FAM131B: variants seen among roughly 807,000 people sequenced by gnomAD.
The protein encoded by FAM131B is protein FAM131B.
A neutral mutation model predicts 42.0 loss-of-function variants in FAM131B; 19 were observed. That is an observed-to-expected ratio of 0.45 (90% CI 0.32 to 0.66). The LOEUF (loss-of-function observed/expected upper bound fraction) is 0.66, where lower values mean the gene tolerates loss of function less well. FAM131B is among the 30% of genes least tolerant of loss of function. The pLI, the probability that FAM131B is intolerant of heterozygous loss-of-function variation, is 0.05. For missense variants in FAM131B, 370 were observed against 468.4 expected, an observed-to-expected ratio of 0.79 and a Z score of 1.94; for synonymous variants, 183 against 177.6, an observed-to-expected ratio of 1.03 and a Z score of -0.24.
At chr7:143,366,594 A>G (rs1009463741), upstream of FAM131B, among the ~76,000 whole-genome samples, 3 of 146,170 alleles carry the variant, frequency 2.1e-5, no homozygotes, top group Admixed American at 7.1e-5. Context: ...GTCTCACTCT[A>G]TCACCCAGGC....
chr7:143,368,838 A>T, the FAM131B span, among the ~76,000 whole-genome samples: 5 of 152,186 alleles, frequency 3.3e-5, no homozygotes, highest in African/African-American at 1.2e-4. Flanking sequence ...TTGGACGGAG[A>T]TCTGTTTCAC....
the FAM131B span, chr7:143,381,105 C>T: frequency 4.3e-6 from 3 of 694,774 alleles, no homozygotes; most frequent in South Asian, 6.4e-5. Flanking sequence ...GCGGCGGGGG[C>T]GGCAGTGAGT....
At chr7:143,364,595 T>C (rs534037752), upstream of FAM131B, among the ~76,000 whole-genome samples, 1 of 152,218 alleles carries the variant, frequency 6.6e-6, no homozygotes, top group Non-Finnish European at 1.5e-5. Context: ...ACATGAGGGA[T>C]TCCAGGTCTT....
chr7:143,360,443 G>T, intron 1 of FAM131B: 1 of 1,238,262 alleles, frequency 8.1e-7, no homozygotes, highest in African/African-American at 1.5e-5. Context: ...CCGTCCTGAG[G>T]ACTCTTGGAG....
chr7:143,361,986 T>TGCCG, intron 1 of FAM131B: 2 of 887,172 alleles, frequency 2.3e-6, no homozygotes, highest in Non-Finnish European at 2.7e-6. Context: ...CCCGGGCTCA[T>TGCCG]CCCGCCCCCG....
rs1214157571 is a variant in FAM131B, at chr7:143,353,698, G to A, written c.*2852C>T. On this transcript the variant is annotated 3_prime_UTR_variant, in exon 7 of 7. Transcript: ENST00000443739. The stretch of plus-strand genomic sequence containing the variant: ...ATTTCCCAGACCTGGAGGATGGTGT[G>A]TGGGATGTATAGGTGAGGTCGTGGA... 6.6e-6 allele frequency: 1 copy of A among 152,560 alleles called. No homozygotes were observed. The highest frequency in any genetic ancestry group is 1.5e-5 in the Non-Finnish European group (1 of 68,040). The allele number at this position is 152,560 out of a possible 1,614,324, so 9.5% of individuals were successfully genotyped here. A position where few individuals can be genotyped will look rare whatever the true frequency, so the allele number is the denominator to read the frequency against.
chr7:143,360,865 G>C (rs1586539449), intron 1 of FAM131B: 1 of 152,602 alleles, frequency 6.6e-6, no homozygotes, highest in Admixed American at 6.5e-5. Flanking sequence ...AGGGTCTGAG[G>C]GCTGAGTGGG....
rs1294412590 is a variant in FAM131B at position 143,362,658 on chromosome 7, G to C, written c.-55C>G. ...ACCGACTCGGGGCGCGCGCCGGGGGGAGCACCGGGAGCCGCGCCGCCGCCC... is the reference window on the plus strand; with the variant it reads ...ACCGACTCGGGGCGCGCGCCGGGGGCAGCACCGGGAGCCGCGCCGCCGCCC... On this transcript the variant is annotated 5_prime_UTR_variant, in exon 1 of 7. Coordinates refer to ENST00000443739, the MANE Select transcript of FAM131B (RefSeq NM_001031690.3). The surrounding 1 kb of genome is among the most constrained non-coding windows in gnomAD (Gnocchi z 7.7). The C allele has an allele frequency of 7.5e-6, 8 of 1,068,866 alleles. No individual in the cohort carries two copies. Among genetic ancestry groups the C allele is most frequent in the Non-Finnish European group, 9.4e-6 (8 of 851,868 alleles). 66.2% of individuals were successfully genotyped at this position (1,068,866 alleles called of 1,614,324 possible). A position where few individuals can be genotyped will look rare whatever the true frequency, so the allele number is the denominator to read the frequency against.
upstream of FAM131B, chr7:143,362,731 C>A (rs917562154): frequency 1.2e-5 from 4 of 338,776 alleles, no homozygotes; most frequent in African/African-American, 6.6e-5. The surrounding 1 kb of genome is among the most constrained non-coding windows in gnomAD (Gnocchi z 7.7). Flanking sequence ...TCCGCTCCCC[C>A]CTCCCCTCTC....
chr7:143,358,906 G>A lies in FAM131B; in HGVS notation c.387C>T (p.His129=). 6.2e-7 allele frequency: 1 copy of A among 1,614,146 alleles called. No individual in the cohort carries two copies. Among genetic ancestry groups the A allele is most frequent in the Non-Finnish European group, 8.5e-7 (1 of 1,180,020 alleles). Residue 129 remains histidine, a synonymous_variant, in exon 5 of 7, where the codon CAC becomes CAT. Coordinates refer to ENST00000443739, the MANE Select transcript of FAM131B (RefSeq NM_001031690.3). This position sits in a 1 kb window ranked among gnomAD's most constrained non-coding sequence, Gnocchi z 4.7. The part of the protein sequence containing the change: ...WGKTPAVQPQ[H]SHESVRRDTD... ...TATCCCTGCGCACGGACTCATGGCT[G>A]TGTTGTGGCTGAACAGCTGGTGTCT...
chr7:143,380,880 G>A, the FAM131B span: 19 of 732,914 alleles, frequency 2.6e-5, no homozygotes, highest in Admixed American at 6.3e-5. This position sits in a 1 kb window ranked among gnomAD's most constrained non-coding sequence, Gnocchi z 5.0. Flanking sequence ...ACCGGGTAAC[G>A]GCAGGCCCGA....
At position 143,359,936 on chromosome 7, in the gene FAM131B, A is replaced by G; in HGVS notation, c.138+104T>C. On this transcript the variant is annotated intron_variant, in intron 2 of 6. Coordinates refer to ENST00000443739, the MANE Select transcript of FAM131B (RefSeq NM_001031690.3). This position sits in a 1 kb window ranked among gnomAD's most constrained non-coding sequence, Gnocchi z 5.4. The stretch of plus-strand genomic sequence containing the variant: ...GGACTGCTTGGCATGTGTTGTGAGA[A>G]ATGTTCTGTAGAAGTGTCAGTCTGA... The G allele has an allele frequency of 1.9e-6, 2 of 1,030,432 alleles. No homozygotes were observed. The highest frequency in any genetic ancestry group is 3.0e-6 in the Non-Finnish European group (2 of 675,456). The allele number at this position is 1,030,432 out of a possible 1,614,324, so 63.8% of individuals were successfully genotyped here.
rs1238430895 is a variant in FAM131B at position 143,357,352 on chromosome 7, T to C, written c.538A>G (p.Ser180Gly). ...AATGGCTCCTGGGTGGAGTTCACAC[T>C]CATGTCCTCACCATCCATGGAAGAC... ...AWSSMDGEDMSVNSTQEPLGC... is the reference protein window; with the variant it reads ...AWSSMDGEDMGVNSTQEPLGC... The change falls in exon 6 of 7, where the codon AGT becomes GGT. Residue 180 changes from serine to glycine, a missense_variant. Physicochemically the swap from Ser to Gly is moderately conservative, Grantham distance 56. Coordinates refer to ENST00000443739, the MANE Select transcript of FAM131B (RefSeq NM_001031690.3). 1.2e-6 allele frequency: 2 copies of C among 1,614,010 alleles called. No homozygotes were observed.
the FAM131B span, among the ~76,000 whole-genome samples, chr7:143,374,460 AT>A: frequency 6.6e-6 from 1 of 152,054 alleles, no homozygotes; most frequent in Non-Finnish European, 1.5e-5. Context: ...GAACCTTTTA[AT>A]TGTCCTTCAC....
chr7:143,364,566 C>T (rs897061479), upstream of FAM131B, among the ~76,000 whole-genome samples: 1 of 152,116 alleles, frequency 6.6e-6, no homozygotes, highest in Non-Finnish European at 1.5e-5. Context: ...TATAAGGCTG[C>T]ATTTATCCAA....
Position 143,359,146 on chromosome 7 carries a change from G to A in FAM131B, c.269-122C>T. On this transcript the variant is annotated intron_variant, in intron 4 of 6. Coordinates refer to ENST00000443739, the MANE Select transcript of FAM131B (RefSeq NM_001031690.3). The surrounding 1 kb of genome is among the most constrained non-coding windows in gnomAD (Gnocchi z 5.4). ...ATCCCACTGGGCCAGGCTCCCCTAA[G>A]GACTCCATAGATGGGGTAGTGGAGG... The A allele has an allele frequency of 2.7e-6, 3 of 1,112,642 alleles. No homozygotes were observed. The highest frequency in any genetic ancestry group is 2.6e-6 in the Non-Finnish European group (2 of 766,870). 68.9% of individuals were successfully genotyped at this position (1,112,642 alleles called of 1,614,324 possible).
At chr7:143,360,752 G>A (rs1803924838) in intron 1 of FAM131B, 1 of 152,666 alleles carries the variant, frequency 6.6e-6, no homozygotes, top group African/African-American at 2.4e-5. Context: ...AAAGTGGAGG[G>A]AAGCTGGTGA....
chr7:143,369,604 G>A, the FAM131B span, among the ~76,000 whole-genome samples: 1 of 151,572 alleles, frequency 6.6e-6, no homozygotes. Flanking sequence ...GAACCCAGGA[G>A]GTGGAGGTTG....
chr7:143,370,873 T>TG, the FAM131B span, among the ~76,000 whole-genome samples: 1 of 152,158 alleles, frequency 6.6e-6, no homozygotes, highest in African/African-American at 2.4e-5. Flanking sequence ...AACCCTCTCT[T>TG]GGGGTCTGGA....
Sources: allele counts gnomAD v4.1 joint callset (sites outside exome capture counted in the v4.1 genomes callset), GRCh38; gene constraint gnomAD v4.1.1; non-coding constraint Gnocchi (gnomAD v3.1); transcripts MANE v1.5; gene names NCBI Gene and HGNC (gene_info 2026-07-23, HGNC 2026-07-21).